Variants in PMPCB observed in about 807,000 individuals in gnomAD.
PMPCB encodes the protein mitochondrial-processing peptidase subunit beta.
Under a neutral mutation model 61.5 loss-of-function variants are expected in PMPCB, and 46 were observed. The observed-to-expected ratio is 0.75, with a 90% CI of 0.59 to 0.96. The LOEUF (loss-of-function observed/expected upper bound fraction) is 0.96. Among genes scored for constraint, PMPCB ranks in the 40% least tolerant of loss-of-function variants. PMPCB has a pLI of 0.00. For missense variants in PMPCB, 590 were observed against 602.4 expected (o/e 0.98, Z 0.22); for synonymous variants, 191 against 201.6 (o/e 0.95, Z 0.44).
chr7:103,341,187 AC>A, the PMPCB span, among the ~76,000 whole-genome samples: 1 of 152,096 alleles, frequency 6.6e-6, no homozygotes, highest in Non-Finnish European at 1.5e-5. Context: ...TAAACTATTC[AC>A]TTCCCCTCCA....
intron 9 of PMPCB, 75 bp from the exon 10 acceptor site, chr7:103,311,568 G>GCAT (rs1385390786): frequency 5.0e-5 from 48 of 966,592 alleles, no homozygotes; most frequent in Non-Finnish European, 6.5e-5. Flanking sequence ...GTAGAAGATG[G>GCAT]CATCATCATT....
chr7:103,322,812 T>C (rs779658631), intron 12 of PMPCB: 37 of 1,583,562 alleles, frequency 2.3e-5, no homozygotes, highest in Admixed American at 5.0e-5. Context: ...ATAGAAAATA[T>C]TGGAAACAAA....
At position 103,325,897 on chromosome 7, in the gene PMPCB, T is replaced by C. The variant is rs537167557; in HGVS notation, c.*1432-3034T>C. 7.5e-3 allele frequency among the ~76,000 whole-genome samples: 1,140 copies of C among 152,316 alleles called. 16 individuals carry two copies. The highest frequency in any genetic ancestry group is 0.026 in the African/African-American group (1,088 of 41,582). Reference sequence around the variant, plus strand: ...ACTGACAATGAGTCAGAGAGTAGTATACCGATTGATAAAGAGGAAATCAAA... The same window carrying C: ...ACTGACAATGAGTCAGAGAGTAGTACACCGATTGATAAAGAGGAAATCAAA... On this transcript the variant is annotated intron_variant and NMD_transcript_variant, in intron 12 of 12. Transcript: ENST00000444457.
chr7:103,306,469 G>A (rs550618201), intron 6 of PMPCB, among the ~76,000 whole-genome samples: 13 of 148,856 alleles, frequency 8.7e-5, no homozygotes, highest in African/African-American at 2.5e-4. Flanking sequence ...CGCAAACTCC[G>A]CCTTCCGGAT....
rs76990097 is a variant in PMPCB, at chr7:103,301,463, A to C, written c.457+1156A>C. 3.8e-3 allele frequency among the ~76,000 whole-genome samples: 577 copies of C among 152,376 alleles called. 4 individuals carry two copies. Among genetic ancestry groups the C allele is most frequent in the African/African-American group, 0.014 (568 of 41,588 alleles). ...GCCAAGGTTCTTTAAAGAGTTGTTC[A>C]TTCCAGCCTAGTTCCTTCCTTTATT... On this transcript the variant is annotated intron_variant, in intron 4 of 12. Coordinates refer to ENST00000249269, the MANE Select transcript of PMPCB (RefSeq NM_004279.3).
chr7:103,302,031 A>T (rs961164381), intron 4 of PMPCB, among the ~76,000 whole-genome samples: 1 of 152,096 alleles, frequency 6.6e-6, no homozygotes, highest in South Asian at 2.1e-4. Flanking sequence ...ATTCCCACCT[A>T]TAAGTGAGAA....
At chr7:103,328,546 G>A (rs1457937083) in intron 12 of PMPCB, among the ~76,000 whole-genome samples, 1 of 152,058 alleles carries the variant, frequency 6.6e-6, no homozygotes, top group Non-Finnish European at 1.5e-5. Flanking sequence ...CATAAGAATC[G>A]CTTGAACCCA....
At chr7:103,301,968 C>G (rs889732361) in intron 4 of PMPCB, among the ~76,000 whole-genome samples, 3 of 152,130 alleles carry the variant, frequency 2.0e-5, no homozygotes, top group Non-Finnish European at 4.4e-5. Flanking sequence ...CACCCCACGA[C>G]AGGCTCCGGT....
intron 8 of PMPCB, among the ~76,000 whole-genome samples, chr7:103,309,736 C>T (rs937415697): frequency 1.3e-5 from 2 of 152,110 alleles, no homozygotes; most frequent in African/African-American, 2.4e-5. Context: ...TTGTTTTTCA[C>T]AAGTACATAC....
chr7:103,334,326 C>T (rs1424179804), downstream of PMPCB, among the ~76,000 whole-genome samples: 1 of 151,648 alleles, frequency 6.6e-6, no homozygotes, highest in Non-Finnish European at 1.5e-5. Flanking sequence ...CTTTGGGAGA[C>T]TGAGGCAGGT....
chr7:103,322,514 T>A lies in PMPCB; in HGVS notation c.*1432-6417T>A, dbSNP rs758778206. ...CCTTCATTAAATGTTGTCTTACTTT[T>A]TCTTTAGCTTCTTGCTCCTTCCGTT... On this transcript the variant is annotated intron_variant and NMD_transcript_variant, in intron 12 of 12. Coordinates refer to the PMPCB transcript ENST00000444457. The A allele has an allele frequency of 1.4e-6, 2 of 1,481,160 alleles. No homozygotes were observed. Among genetic ancestry groups the A allele is most frequent in the South Asian group, 2.5e-5 (2 of 81,304 alleles). 91.8% of individuals were successfully genotyped at this position (1,481,160 alleles called of 1,614,324 possible).
In PMPCB at chr7:103,299,476, G is replaced by A. The variant is rs745676244; in HGVS notation, c.274G>A (p.Glu92Lys). ...GLWIDAGSRY[E>K]NEKNNGTAHF... ...CTGGATTGATGCTGGAAGTAGATAC[G>A]AAAATGAGAAGAACAATGGAACAGC... Residue 92 changes from glutamate (E) to lysine (K), a missense_variant, in exon 3 of 13, where the codon GAA becomes AAA. Physicochemically the swap from Glu to Lys is moderately conservative, Grantham distance 56. Coordinates refer to ENST00000249269, the MANE Select transcript of PMPCB (RefSeq NM_004279.3). The A allele has an allele frequency of 5.6e-6, 9 of 1,611,994 alleles. No homozygotes were observed. The highest frequency in any genetic ancestry group is 6.8e-6 in the Non-Finnish European group (8 of 1,178,486).
At position 103,312,098 on chromosome 7, in the gene PMPCB, A is replaced by G; in HGVS notation, c.1372A>G (p.Ile458Val). Reference sequence around the variant, plus strand: ...AATTCGAGAAGTATGTACCAAATACATTTATAATAGGAGTCCAGCTATTGC... The same window carrying G: ...AATTCGAGAAGTATGTACCAAATACGTTTATAATAGGAGTCCAGCTATTGC... Reference protein sequence around the residue: ...ETIREVCTKYIYNRSPAIAAV... With the variant: ...ETIREVCTKYVYNRSPAIAAV... Residue 458 changes from isoleucine (I) to valine (V), a missense_variant, in exon 12 of 13, where the codon ATT becomes GTT. By Grantham distance (29) the Ile-to-Val change is conservative. Transcript: ENST00000249269. 6.2e-7 allele frequency: 1 copy of G among 1,614,062 alleles called. No individual in the cohort carries two copies. Among genetic ancestry groups the G allele is most frequent in the South Asian group, 1.1e-5 (1 of 91,084 alleles).
chr7:103,304,511 A>C, intron 6 of PMPCB, 21 bp downstream of exon 6: 1 of 1,511,118 alleles, frequency 6.6e-7, no homozygotes, highest in Non-Finnish European at 9.2e-7. Flanking sequence ...TTAAATTTCT[A>C]CAAATGTTTT....
At chr7:103,328,271 T>C (rs1181491087) in intron 12 of PMPCB, among the ~76,000 whole-genome samples, 2 of 151,906 alleles carry the variant, frequency 1.3e-5, no homozygotes, top group Admixed American at 6.6e-5. Flanking sequence ...CCAACGACAA[T>C]GACTCTTAAC....
At chr7:103,345,319 T>C in the PMPCB span, among the ~76,000 whole-genome samples, 2 of 152,200 alleles carry the variant, frequency 1.3e-5, no homozygotes, top group African/African-American at 4.8e-5. Context: ...TCTAATGAAG[T>C]TTTTATTCAA....
chr7:103,323,562 T>A (rs1450670541), intron 12 of PMPCB: 3 of 1,428,558 alleles, frequency 2.1e-6, no homozygotes, highest in Non-Finnish European at 2.8e-6. Flanking sequence ...GAGAACCAAA[T>A]AAATACCTTC....
intron 12 of PMPCB, among the ~76,000 whole-genome samples, chr7:103,321,486 C>G (rs181913738): frequency 1.3e-4 from 19 of 151,508 alleles, no homozygotes; most frequent in African/African-American, 4.6e-4. Flanking sequence ...CCATTGCACT[C>G]CAGACCAGGT....
downstream of PMPCB, among the ~76,000 whole-genome samples, chr7:103,331,008 G>A (rs527985052): frequency 2.3e-4 from 35 of 152,052 alleles, no homozygotes; most frequent in Non-Finnish European, 4.4e-4. Context: ...GGCCAGGCTG[G>A]CATGCAATGG....
Sources: gnomAD v4.1 joint callset for allele counts (sites outside exome capture counted in the v4.1 genomes callset) on GRCh38, gnomAD v4.1.1 for gene constraint, MANE v1.5 for transcripts, NCBI Gene and HGNC (gene_info 2026-07-23, HGNC 2026-07-21) for gene names.